ATP2B2: variants seen among roughly 807,000 people sequenced by gnomAD.
ATP2B2 encodes the protein plasma membrane calcium-transporting ATPase 2.
ATP2B2 carries 15 observed loss-of-function variants against 120.0 expected under a neutral mutation model. The observed-to-expected ratio is 0.12, with a 90% CI of 0.08 to 0.19. The LOEUF (loss-of-function observed/expected upper bound fraction) is 0.19, where lower values mean the gene tolerates loss of function less well. ATP2B2 is among the 10% of genes least tolerant of loss of function. The pLI, the probability that ATP2B2 is intolerant of heterozygous loss-of-function variation, is 1.00. For synonymous variants in ATP2B2, 694 were observed against 700.3 expected (o/e 0.99, Z 0.14); for missense variants, 1,045 against 1,719.8 (o/e 0.61, Z 6.94).
At position 10,326,152 on chromosome 3, in the gene ATP2B2, T is replaced by G. The variant is rs186955709; in HGVS notation, c.*2662A>C. 6.5e-6 allele frequency: 1 copy of G among 152,740 alleles called. No homozygotes were observed. The highest frequency in any genetic ancestry group is 6.5e-5 in the Admixed American group (1 of 15,298). The allele number at this position is 152,740 out of a possible 1,614,324, so 9.5% of individuals were successfully genotyped here. A position where few individuals can be genotyped will look rare whatever the true frequency, so the allele number is the denominator to read the frequency against. On this transcript the variant is annotated 3_prime_UTR_variant, in exon 23 of 23. Transcript: ENST00000360273. ...AAACAGATGAATGGTCATAAATTAT[T>G]TACCCCCTAATGGAGTGAACTGCCA...
At chr3:10,689,074 C>T (rs554871362) in intron 1 of ATP2B2, among the ~76,000 whole-genome samples, 18 of 152,246 alleles carry the variant, frequency 1.2e-4, no homozygotes, top group Non-Finnish European at 2.2e-4. Context: ...TTTGAAGAGC[C>T]AAAGCTGTAG....
At chr3:10,549,401 G>A (rs955359579) in intron 2 of ATP2B2, among the ~76,000 whole-genome samples, 2 of 151,570 alleles carry the variant, frequency 1.3e-5, no homozygotes, top group Non-Finnish European at 2.9e-5. Context: ...GGTTTGAGAT[G>A]GTTGAGAAAA....
chr3:10,350,615 C>T, intron 14 of ATP2B2, 38 bp from the exon 15 acceptor site: 1 of 1,598,116 alleles, frequency 6.3e-7, no homozygotes, highest in South Asian at 1.1e-5. Context: ...GAGGGCACCA[C>T]CTCAGGCAGA....
rs116327792 is a variant in ATP2B2, at chr3:10,642,268, C to T, written c.-459-22307G>A. 6.2e-3 allele frequency among the ~76,000 whole-genome samples: 946 copies of T among 152,308 alleles called. 9 individuals are homozygous for T. Among genetic ancestry groups the T allele is most frequent in the African/African-American group, 0.022 (896 of 41,556 alleles). ...GTTTCGAGGATTAGAACAGTCTATT[C>T]ATGTACAGCACTTTGAACAGTACCT... On this transcript the variant is annotated intron_variant, in intron 1 of 21. Transcript: ENST00000646379.
chr3:10,465,939 C>A (rs1187955555), intron 1 of ATP2B2, among the ~76,000 whole-genome samples: 2 of 152,232 alleles, frequency 1.3e-5, no homozygotes, highest in Non-Finnish European at 2.9e-5. Context: ...AGAAGAGACA[C>A]TTCTAGAACA....
intron 11 of ATP2B2, 148 bp from the exon 12 acceptor site, chr3:10,372,199 TTGC>T: frequency 8.7e-7 from 1 of 1,145,022 alleles, no homozygotes; most frequent in Non-Finnish European, 1.3e-6. Flanking sequence ...AGGATCTTGG[TTGC>T]TGCTGCCTCC....
chr3:10,659,222 A>G (rs1264299621), intron 1 of ATP2B2, among the ~76,000 whole-genome samples: 1 of 152,252 alleles, frequency 6.6e-6, no homozygotes, highest in Admixed American at 6.5e-5. Context: ...TCATAATGAC[A>G]GGATCAAATT....
At chr3:10,556,126 C>T (rs938419361) in intron 2 of ATP2B2, among the ~76,000 whole-genome samples, 1 of 152,190 alleles carries the variant, frequency 6.6e-6, no homozygotes, top group Non-Finnish European at 1.5e-5. Context: ...TCTCAAACTC[C>T]GGACCTGAAG....
intron 2 of ATP2B2, among the ~76,000 whole-genome samples, chr3:10,593,768 T>A (rs1217861411): frequency 6.6e-6 from 1 of 151,910 alleles, no homozygotes; most frequent in East Asian, 1.9e-4. Flanking sequence ...ACCGTCAGAG[T>A]GAACAGGCAA....
chr3:10,669,730 T>C (rs2071044290), intron 1 of ATP2B2, among the ~76,000 whole-genome samples: 1 of 152,178 alleles, frequency 6.6e-6, no homozygotes, highest in African/African-American at 2.4e-5. Flanking sequence ...CTCTGAGCCC[T>C]GGAGGTGAGT....
chr3:10,573,604 C>G (rs1575511667), intron 2 of ATP2B2, among the ~76,000 whole-genome samples: 1 of 152,316 alleles, frequency 6.6e-6, no homozygotes, highest in East Asian at 1.9e-4. Flanking sequence ...GCCTGGGACT[C>G]TGTATTGTTA....
chr3:10,696,710 G>A (rs954141090), intron 1 of ATP2B2, among the ~76,000 whole-genome samples: 2 of 152,200 alleles, frequency 1.3e-5, no homozygotes, highest in Non-Finnish European at 2.9e-5. Context: ...CACAAGGGCA[G>A]AGTTTGGGCA....
intron 1 of ATP2B2, among the ~76,000 whole-genome samples, chr3:10,659,742 G>T (rs1451065016): frequency 6.6e-6 from 1 of 152,168 alleles, no homozygotes; most frequent in Non-Finnish European, 1.5e-5. Flanking sequence ...GCACCAAGTG[G>T]ACCTAATAGA....
At chr3:10,692,609 A>G (rs912078898) in intron 1 of ATP2B2, among the ~76,000 whole-genome samples, 3 of 152,160 alleles carry the variant, frequency 2.0e-5, no homozygotes, top group African/African-American at 4.8e-5. Flanking sequence ...TCTGATGGGA[A>G]CAGTGAGGAG....
At chr3:10,661,987 C>T (rs2070793925) in intron 1 of ATP2B2, among the ~76,000 whole-genome samples, 1 of 152,062 alleles carries the variant, frequency 6.6e-6, no homozygotes, top group Non-Finnish European at 1.5e-5. Context: ...CTGACAAAAA[C>T]AAGAAATGGG....
intron 1 of ATP2B2, among the ~76,000 whole-genome samples, chr3:10,705,153 A>G (rs34542129): frequency 0.041 from 6,289 of 152,300 alleles, 174 homozygotes; most frequent in South Asian, 0.13. Flanking sequence ...ATCCTGCACA[A>G]CAAATTCTCT....
chr3:10,649,842 A>C (rs1434967509), intron 1 of ATP2B2, among the ~76,000 whole-genome samples: 9 of 152,212 alleles, frequency 5.9e-5, no homozygotes, highest in African/African-American at 2.2e-4. Context: ...GGTTCCCTGC[A>C]CAAGCTCTCT....
intron 2 of ATP2B2, among the ~76,000 whole-genome samples, chr3:10,575,852 A>G (rs1002384879): frequency 2.6e-5 from 4 of 152,140 alleles, no homozygotes; most frequent in African/African-American, 4.8e-5. Flanking sequence ...GAGAAGCGCT[A>G]GTTATTTGAG....
chr3:10,642,093 C>G (rs1350757769), intron 1 of ATP2B2, among the ~76,000 whole-genome samples: 1 of 152,140 alleles, frequency 6.6e-6, no homozygotes, highest in Non-Finnish European at 1.5e-5. Context: ...CCTTACTATA[C>G]TGTTGTAGTT....
Sources: allele counts gnomAD v4.1 joint callset (sites outside exome capture counted in the v4.1 genomes callset), GRCh38; gene constraint gnomAD v4.1.1; transcripts MANE v1.5; gene names NCBI Gene and HGNC (gene_info 2026-07-23, HGNC 2026-07-21).